ADAMTS17: variants seen among roughly 807,000 people sequenced by gnomAD.
ADAMTS17 encodes the protein ADAM metallopeptidase with thrombospondin type 1 motif 17.
In ADAMTS17, 113 loss-of-function variants were observed where a neutral mutation model predicts 141.5. That is an observed-to-expected ratio of 0.80 (90% CI 0.69 to 0.93). The LOEUF is 0.93. Among genes scored for constraint, ADAMTS17 ranks in the 40% least tolerant of loss-of-function variants. ADAMTS17 has a pLI of 0.00. For synonymous variants in ADAMTS17, 768 were observed against 630.6 expected, an observed-to-expected ratio of 1.22 and a Z score of -3.27; for missense variants, 1,659 against 1,517.9, an observed-to-expected ratio of 1.09 and a Z score of -1.54.
At chr15:100,094,600 C>T (rs1017261826) in intron 15 of ADAMTS17, among the ~76,000 whole-genome samples, 2 of 152,140 alleles carry the variant, frequency 1.3e-5, no homozygotes, top group Admixed American at 6.5e-5. Flanking sequence ...CCAGGGTTGG[C>T]GATGGGAGTG....
chr15:99,989,142 C>T (rs1174781402), intron 20 of ADAMTS17, among the ~76,000 whole-genome samples: 1 of 152,190 alleles, frequency 6.6e-6, no homozygotes, highest in Non-Finnish European at 1.5e-5. Context: ...TTGGACTCTG[C>T]CGGGGGGTGT....
At chr15:100,011,878 A>G (rs2061191590) in intron 18 of ADAMTS17, among the ~76,000 whole-genome samples, 1 of 152,206 alleles carries the variant, frequency 6.6e-6, no homozygotes, top group South Asian at 2.1e-4. Context: ...TTTCTTGTAT[A>G]ATGACTTCTT....
At chr15:100,268,889 G>GTTA (rs1596402411) in intron 4 of ADAMTS17, among the ~76,000 whole-genome samples, 1 of 152,204 alleles carries the variant, frequency 6.6e-6, no homozygotes, top group East Asian at 1.9e-4. Flanking sequence ...ATACTAGAAG[G>GTTA]TTACAGTAAC....
chr15:100,040,029 G>C (rs966323503), intron 18 of ADAMTS17, among the ~76,000 whole-genome samples: 3 of 152,088 alleles, frequency 2.0e-5, no homozygotes, highest in African/African-American at 7.2e-5. Context: ...CTGTCTGCAT[G>C]ATATAACTTT....
At chr15:100,276,617 G>C (rs900310691) in intron 4 of ADAMTS17, among the ~76,000 whole-genome samples, 3 of 152,128 alleles carry the variant, frequency 2.0e-5, no homozygotes, top group East Asian at 3.9e-4. Context: ...ACCAACTCTA[G>C]CAGATTTCCT....
chr15:100,077,868 GA>G (rs1290934323), intron 15 of ADAMTS17, among the ~76,000 whole-genome samples: 3 of 151,952 alleles, frequency 2.0e-5, no homozygotes, highest in Non-Finnish European at 4.4e-5. Context: ...AAATCCCAAG[GA>G]ATCCATTAAA....
At chr15:99,988,650 T>C (rs959005126) in intron 20 of ADAMTS17, among the ~76,000 whole-genome samples, 1 of 152,174 alleles carries the variant, frequency 6.6e-6, no homozygotes, top group Non-Finnish European at 1.5e-5. Context: ...GTGACTCCAA[T>C]ACCTCACTCT....
rs566839608 is a variant in ADAMTS17 at position 100,030,872 on chromosome 15, T to A, written c.2591+17985A>T. ...GTATTAAAAATGTGTGTGTGCACGC[T>A]CACATGTGTATGTGTGAGGAGTGTC... On this transcript the variant is annotated intron_variant, in intron 18 of 21. Transcript: ENST00000268070. 3.3e-5 allele frequency among the ~76,000 whole-genome samples: 5 copies of A among 152,342 alleles called. No homozygotes were observed. The East Asian group carries it at 5.8e-4, about 18-fold the overall frequency.
chr15:100,132,739 A>G (rs537179733), intron 11 of ADAMTS17, among the ~76,000 whole-genome samples: 1 of 152,340 alleles, frequency 6.6e-6, no homozygotes, highest in South Asian at 2.1e-4. Flanking sequence ...TCTTGCAATA[A>G]GACTGGAGAG....
intron 10 of ADAMTS17, among the ~76,000 whole-genome samples, chr15:100,140,484 CATACATATATATAT>C (rs2038576791): frequency 2.4e-5 from 1 of 40,830 alleles, no homozygotes; most frequent in African/African-American, 5.2e-5. Flanking sequence ...CACACACATA[CATACATATATATAT>C]ATATATATAT....
chr15:100,221,581 C>T (rs2042135881), intron 7 of ADAMTS17, among the ~76,000 whole-genome samples: 1 of 152,202 alleles, frequency 6.6e-6, no homozygotes, highest in Non-Finnish European at 1.5e-5. Context: ...AATTACAATA[C>T]ATGAGTCTTC....
chr15:100,064,514 T>C (rs2033375564), intron 15 of ADAMTS17, among the ~76,000 whole-genome samples: 1 of 152,190 alleles, frequency 6.6e-6, no homozygotes, highest in South Asian at 2.1e-4. Context: ...CTTTGTTGTA[T>C]TTTGAACTTT....
intron 5 of ADAMTS17, among the ~76,000 whole-genome samples, chr15:100,262,075 A>T (rs1006364281): frequency 3.9e-5 from 6 of 152,138 alleles, no homozygotes; most frequent in Admixed American, 2.0e-4. Flanking sequence ...AGACCTTGCC[A>T]TCAAGCTTTG....
intron 15 of ADAMTS17, among the ~76,000 whole-genome samples, chr15:100,060,078 T>C (rs564075130): frequency 6.6e-6 from 1 of 152,348 alleles, no homozygotes; most frequent in South Asian, 2.1e-4. Flanking sequence ...TTTGATTTTA[T>C]GGGCAATTAA....
intron 3 of ADAMTS17, among the ~76,000 whole-genome samples, chr15:100,306,838 G>A (rs2045243761): frequency 6.6e-6 from 1 of 152,102 alleles, no homozygotes; most frequent in Non-Finnish European, 1.5e-5. Context: ...ACCCAGACTT[G>A]GGCAACTGGG....
At chr15:100,310,121 C>G (rs914010383) in intron 3 of ADAMTS17, among the ~76,000 whole-genome samples, 1 of 152,174 alleles carries the variant, frequency 6.6e-6, no homozygotes, top group Admixed American at 6.5e-5. Flanking sequence ...AGGCCCGTGA[C>G]AGAAATTCAC....
intron 3 of ADAMTS17, among the ~76,000 whole-genome samples, chr15:100,322,814 G>A (rs931923713): frequency 7.9e-5 from 12 of 152,264 alleles, no homozygotes; most frequent in South Asian, 2.1e-4. Context: ...TTGGCCAGGC[G>A]TGGTGGCTCA....
chr15:100,252,589 C>T (rs1313699186), intron 7 of ADAMTS17, among the ~76,000 whole-genome samples: 4 of 152,232 alleles, frequency 2.6e-5, no homozygotes, highest in African/African-American at 9.7e-5. Context: ...AGAAACAGCA[C>T]ATGCCTGGCA....
chr15:100,158,337 A>G (rs1297667926), intron 8 of ADAMTS17, among the ~76,000 whole-genome samples: 1 of 152,232 alleles, frequency 6.6e-6, no homozygotes, highest in Non-Finnish European at 1.5e-5. Flanking sequence ...TGTTACAAAT[A>G]AAAAAGATTT....
Sources: gnomAD v4.1 joint callset for allele counts (sites outside exome capture counted in the v4.1 genomes callset) on GRCh38, gnomAD v4.1.1 for gene constraint, MANE v1.5 for transcripts, NCBI Gene and HGNC (gene_info 2026-07-23, HGNC 2026-07-21) for gene names.